The following PDE1C variants were observed in gnomAD, a reference collection of about 807,000 sequenced individuals.
The protein encoded by PDE1C is phosphodiesterase 1C.
PDE1C carries 62 observed loss-of-function variants against 93.1 expected under a neutral mutation model. The ratio of observed to expected loss-of-function variants is 0.67; its 90% CI spans 0.54 to 0.82. PDE1C has a LOEUF of 0.82. Among genes scored for constraint, PDE1C ranks in the 40% least tolerant of loss-of-function variants. The probability of loss-of-function intolerance (pLI) is 0.00; values close to 1 mark genes in which losing one functional copy is unlikely to be tolerated. For missense variants in PDE1C, 742 were observed against 884.6 expected, an observed-to-expected ratio of 0.84 and a Z score of 2.04; for synonymous variants, 325 against 310.1, an observed-to-expected ratio of 1.05 and a Z score of -0.50.
chr7:32,405,101 C>T (rs1785024698), intron 1 of PDE1C, among the ~76,000 whole-genome samples: 1 of 152,150 alleles, frequency 6.6e-6, no homozygotes, highest in Non-Finnish European at 1.5e-5. Flanking sequence ...TAACATACCT[C>T]TTCTGTTGTA....
intron 1 of PDE1C, among the ~76,000 whole-genome samples, chr7:32,264,023 T>A (rs1356378603): frequency 6.6e-6 from 1 of 152,154 alleles, no homozygotes; most frequent in Non-Finnish European, 1.5e-5. Flanking sequence ...GCAAATATCC[T>A]ACCCTTCATG....
the PDE1C span, among the ~76,000 whole-genome samples, chr7:31,629,823 G>A: frequency 6.6e-6 from 1 of 152,138 alleles, no homozygotes; most frequent in Admixed American, 6.6e-5. Flanking sequence ...AGGAAATAGA[G>A]CATCCATATA....
the PDE1C span, among the ~76,000 whole-genome samples, chr7:31,667,233 T>A: frequency 6.6e-6 from 1 of 152,154 alleles, no homozygotes. Context: ...ATTGACTAGG[T>A]TCAGGCCCAG....
chr7:31,650,346 T>A, the PDE1C span, among the ~76,000 whole-genome samples: 1 of 152,178 alleles, frequency 6.6e-6, no homozygotes, highest in Non-Finnish European at 1.5e-5. Context: ...CACAGCCTTG[T>A]GCTGCTGGGA....
intron 17 of PDE1C, among the ~76,000 whole-genome samples, chr7:31,774,571 T>C (rs1795707509): frequency 1.3e-5 from 2 of 152,224 alleles, no homozygotes; most frequent in African/African-American, 2.4e-5. Flanking sequence ...AGAAGACTTA[T>C]GTACAAGAAT....
At chr7:31,777,746 G>A (rs1404434471) in intron 16 of PDE1C, among the ~76,000 whole-genome samples, 1 of 152,074 alleles carries the variant, frequency 6.6e-6, no homozygotes, top group Non-Finnish European at 1.5e-5. Context: ...GGCAGCAGTA[G>A]TAGTAAAAAT....
At chr7:31,669,343 T>C in the PDE1C span, among the ~76,000 whole-genome samples, 1 of 152,206 alleles carries the variant, frequency 6.6e-6, no homozygotes, top group Non-Finnish European at 1.5e-5. Flanking sequence ...GCCAAAATAT[T>C]TGACCCACTG....
chr7:32,259,815 G>A (rs11972621), intron 1 of PDE1C, among the ~76,000 whole-genome samples: 3,325 of 152,102 alleles, frequency 0.022, 125 homozygotes, highest in African/African-American at 0.075. Flanking sequence ...TCACCCCCAC[G>A]AGCCCCTCCT....
chr7:31,847,132 G>C (rs1437924168), intron 9 of PDE1C, among the ~76,000 whole-genome samples: 1 of 152,092 alleles, frequency 6.6e-6, no homozygotes, highest in Non-Finnish European at 1.5e-5. Context: ...TAGCTACGAT[G>C]ATTTATTGGC....
chr7:31,620,758 G>C, the PDE1C span, among the ~76,000 whole-genome samples: 1 of 152,292 alleles, frequency 6.6e-6, no homozygotes, highest in East Asian at 1.9e-4. Context: ...AAGCTGGATG[G>C]AGAATGACTT....
chr7:32,178,328 G>C (rs1194103817), intron 2 of PDE1C, among the ~76,000 whole-genome samples: 1 of 152,200 alleles, frequency 6.6e-6, no homozygotes, highest in Non-Finnish European at 1.5e-5. Flanking sequence ...CTCTGAGAGA[G>C]TGGAAAAGAA....
At chr7:31,935,073 A>G (rs993659925) in intron 2 of PDE1C, among the ~76,000 whole-genome samples, 2 of 152,224 alleles carry the variant, frequency 1.3e-5, no homozygotes, top group Admixed American at 6.5e-5. Context: ...ATAACCTTCC[A>G]TTATGACAAA....
At chr7:32,356,919 G>A (rs962929729) in intron 1 of PDE1C, among the ~76,000 whole-genome samples, 2 of 152,174 alleles carry the variant, frequency 1.3e-5, no homozygotes, top group Admixed American at 1.3e-4. Context: ...TGCACCAGAT[G>A]AAGACTCCTC....
chr7:32,281,187 A>C (rs535102071), intron 1 of PDE1C, among the ~76,000 whole-genome samples: 1 of 152,278 alleles, frequency 6.6e-6, no homozygotes, highest in South Asian at 2.1e-4. Flanking sequence ...TAAAACTATA[A>C]AGTACTAGAA....
chr7:31,970,797 G>A (rs1049372097), intron 2 of PDE1C, among the ~76,000 whole-genome samples: 1 of 152,178 alleles, frequency 6.6e-6, no homozygotes, highest in African/African-American at 2.4e-5. Context: ...CCAGTCACAT[G>A]AGCTGTGTAG....
intron 1 of PDE1C, among the ~76,000 whole-genome samples, chr7:32,313,061 AAAAC>A (rs1783086277): frequency 6.6e-6 from 1 of 152,170 alleles, no homozygotes; most frequent in Middle Eastern, 3.4e-3. Context: ...TTACAAGAAA[AAAAC>A]AAACAACCCC....
At chr7:32,298,844 C>G in exon 1 of PDE1C, 1 of 1,422,484 alleles carries the variant, frequency 7.0e-7, no homozygotes, top group Non-Finnish European at 9.1e-7. Context: ...CCCCCGGCCG[C>G]GCCGCGCTGT....
chr7:32,080,195 A>G (rs145307087), intron 3 of PDE1C, among the ~76,000 whole-genome samples: 11 of 152,220 alleles, frequency 7.2e-5, no homozygotes, highest in African/African-American at 2.6e-4. Context: ...TGGGGACAAC[A>G]GAAAAATATT....
At chr7:31,709,242 G>A in the PDE1C span, among the ~76,000 whole-genome samples, 1 of 152,168 alleles carries the variant, frequency 6.6e-6, no homozygotes, top group African/African-American at 2.4e-5. Flanking sequence ...ACCAGCTGTT[G>A]TGGAAATAAA....
Sources: allele counts gnomAD v4.1 joint callset (sites outside exome capture counted in the v4.1 genomes callset), GRCh38; gene constraint gnomAD v4.1.1; transcripts MANE v1.5; gene names NCBI Gene and HGNC (gene_info 2026-07-23, HGNC 2026-07-21).